Variants in HUNK observed in about 807,000 individuals in gnomAD.
HUNK encodes the protein hormonally up-regulated neu tumor-associated kinase.
A neutral mutation model predicts 61.0 loss-of-function variants in HUNK; 21 were observed. The ratio of observed to expected loss-of-function variants is 0.34; its 90% CI spans 0.24 to 0.50. The LOEUF is 0.50. Among genes scored for constraint, HUNK ranks in the 20% least tolerant of loss-of-function variants. The pLI, the probability that HUNK is intolerant of heterozygous loss-of-function variation, is 0.98. For synonymous variants in HUNK, 371 were observed against 386.1 expected (o/e 0.96, Z 0.46); for missense variants, 772 against 945.7 (o/e 0.82, Z 2.41).
At chr21:31,967,672 G>A (rs1162566985) in intron 5 of HUNK, among the ~76,000 whole-genome samples, 1 of 152,150 alleles carries the variant, frequency 6.6e-6, no homozygotes, top group African/African-American at 2.4e-5. Flanking sequence ...TTAAAGGAAA[G>A]GATCAGAAAG....
At chr21:31,948,390 G>A (rs1289860740) in intron 4 of HUNK, among the ~76,000 whole-genome samples, 1 of 152,170 alleles carries the variant, frequency 6.6e-6, no homozygotes, top group African/African-American at 2.4e-5. Flanking sequence ...TTGGGTGCAG[G>A]TTCCTCTGGG....
At chr21:31,926,079 C>T (rs1005446402) in intron 2 of HUNK, among the ~76,000 whole-genome samples, 19 of 152,086 alleles carry the variant, frequency 1.2e-4, no homozygotes, top group Admixed American at 2.6e-4. Context: ...CCACAACGCC[C>T]GGCTAATTTT....
At chr21:31,903,593 A>G (rs1194062785) in intron 1 of HUNK, among the ~76,000 whole-genome samples, 1 of 152,218 alleles carries the variant, frequency 6.6e-6, no homozygotes, top group East Asian at 1.9e-4. Flanking sequence ...AAGAATTTTG[A>G]AAGTTAGTGT....
chr21:31,907,161 G>A (rs1028110814), intron 1 of HUNK, among the ~76,000 whole-genome samples: 1 of 152,064 alleles, frequency 6.6e-6, no homozygotes, highest in Non-Finnish European at 1.5e-5. Context: ...CAACAAGAGT[G>A]AAACTCCATC....
At position 31,948,377 on chromosome 21, in the gene HUNK, T is replaced by C. The variant is rs574567008; in HGVS notation, c.746+2206T>C. Among the ~76,000 whole-genome samples, 7 of 152,298 alleles carry C rather than the reference T, an allele frequency of 4.6e-5. No individual in the cohort carries two copies. In the East Asian group the frequency reaches 7.7e-4, roughly 17 times the overall value. On this transcript the variant is annotated intron_variant, in intron 4 of 10. Coordinates refer to ENST00000270112, the MANE Select transcript of HUNK (RefSeq NM_014586.2). ...GAACCCTCTCTTTTTCCCTCTTGTG[T>C]TGTTGGGTGCAGGTTCCTCTGGGCA...
intron 1 of HUNK, among the ~76,000 whole-genome samples, chr21:31,887,369 AGTCT>A (rs1324901377): frequency 6.6e-6 from 1 of 152,186 alleles, no homozygotes; most frequent in East Asian, 1.9e-4. Flanking sequence ...GTAGGTTTGG[AGTCT>A]GTCTCTTTGA....
At position 31,968,198 on chromosome 21, in the gene HUNK, T is replaced by G. The variant is rs371044682; in HGVS notation, c.875-52T>G. The G allele has an allele frequency of 1.9e-6, 3 of 1,609,564 alleles. No individual in the cohort carries two copies. In the African/African-American group the frequency reaches 4.0e-5, roughly 22 times the overall value. ...CCCCTGTGATGGTGGCTTTCACTGG[T>G]GTCTGCGTTCAGCCTGTAACATGCG... On this transcript the variant is annotated intron_variant, in intron 5 of 10. Coordinates refer to ENST00000270112, the MANE Select transcript of HUNK (RefSeq NM_014586.2).
At chr21:31,901,293 TG>T (rs1187770609) in intron 1 of HUNK, among the ~76,000 whole-genome samples, 5 of 152,286 alleles carry the variant, frequency 3.3e-5, no homozygotes, top group South Asian at 2.1e-4. Flanking sequence ...GTGACTTGGT[TG>T]GTCACTGAGG....
intron 1 of HUNK, among the ~76,000 whole-genome samples, chr21:31,903,300 A>C (rs924458343): frequency 4.6e-5 from 7 of 152,078 alleles, no homozygotes; most frequent in African/African-American, 1.7e-4. Flanking sequence ...AGTGGAAAAC[A>C]TCCCTTTGAA....
intron 5 of HUNK, 146 bp from the exon 6 acceptor site, chr21:31,968,104 C>T: frequency 1.1e-6 from 1 of 930,224 alleles, no homozygotes; most frequent in Non-Finnish European, 1.6e-6. Context: ...TGAATCGGAA[C>T]CCTGCCCAGA....
chr21:31,873,671 C>A lies in HUNK; in HGVS notation c.-4C>A. The A allele has an allele frequency of 7.0e-6, 7 of 1,000,880 alleles. No homozygotes were observed. The highest frequency in any genetic ancestry group is 8.3e-6 in the Non-Finnish European group (7 of 841,742). 62.0% of individuals were successfully genotyped at this position (1,000,880 alleles called of 1,614,324 possible). On this transcript the variant is annotated 5_prime_UTR_variant, in exon 1 of 11. Coordinates refer to ENST00000270112, the MANE Select transcript of HUNK (RefSeq NM_014586.2). This position sits in a 1 kb window ranked among gnomAD's most constrained non-coding sequence, Gnocchi z 6.1. Reference sequence around the variant, plus strand: ...CAGGAGCCGCGCGGGCCGCGGCGAGCGCGATGCCGGCGGCGGCGGGGGACG... The same window carrying A: ...CAGGAGCCGCGCGGGCCGCGGCGAGAGCGATGCCGGCGGCGGCGGGGGACG...
At chr21:31,981,548 T>C (rs938009638) in intron 7 of HUNK, among the ~76,000 whole-genome samples, 2 of 152,188 alleles carry the variant, frequency 1.3e-5, no homozygotes, top group Non-Finnish European at 2.9e-5. Context: ...CAGTGTCTTA[T>C]AGTTTTCAGT....
intron 8 of HUNK, among the ~76,000 whole-genome samples, chr21:31,988,443 A>T (rs2077656790): frequency 6.6e-6 from 1 of 152,194 alleles, no homozygotes; most frequent in Non-Finnish European, 1.5e-5. Context: ...AGAGGGTGGC[A>T]GGGAACTGGA....
intron 8 of HUNK, among the ~76,000 whole-genome samples, chr21:31,988,249 T>C (rs1014624733): frequency 3.3e-5 from 5 of 152,084 alleles, no homozygotes; most frequent in Admixed American, 3.3e-4. Flanking sequence ...CCCAGGACTT[T>C]GGGGGTCGAG....
chr21:31,953,810 A>G (rs1322339153), intron 4 of HUNK, among the ~76,000 whole-genome samples: 1 of 151,900 alleles, frequency 6.6e-6, no homozygotes, highest in Non-Finnish European at 1.5e-5. Flanking sequence ...TTTTTCATTG[A>G]TGATAAATTC....
chr21:31,876,724 G>A lies in HUNK; in HGVS notation c.261+2789G>A, dbSNP rs529436845. ...TGTCCCCCACTGTGGGTGACCCAGG[G>A]AGGCCTCTCTCCCTCATTAATTCCT... On this transcript the variant is annotated intron_variant, in intron 1 of 10. Coordinates refer to ENST00000270112, the MANE Select transcript of HUNK (RefSeq NM_014586.2). Among the ~76,000 whole-genome samples, 7 of 152,316 alleles carry A rather than the reference G, an allele frequency of 4.6e-5. No individual in the cohort carries two copies. The East Asian group carries it at 1.4e-3, about 29-fold the overall frequency.
intron 1 of HUNK, among the ~76,000 whole-genome samples, chr21:31,916,201 C>G (rs1568924342): frequency 6.6e-6 from 1 of 151,752 alleles, no homozygotes; most frequent in South Asian, 2.1e-4. Context: ...CAGGCACCCA[C>G]CACCATACCC....
At chr21:31,974,098 C>G (rs2053031824) in intron 6 of HUNK, 1 of 152,566 alleles carries the variant, frequency 6.6e-6, no homozygotes, top group Non-Finnish European at 1.5e-5. Flanking sequence ...CCATGACAAC[C>G]AATACATTTT....
intron 1 of HUNK, among the ~76,000 whole-genome samples, chr21:31,898,420 C>G (rs1447415936): frequency 6.6e-6 from 1 of 152,162 alleles, no homozygotes; most frequent in African/African-American, 2.4e-5. Context: ...CATCCGCCAC[C>G]ATGCCTGGCT....
Sources: allele counts gnomAD v4.1 joint callset (sites outside exome capture counted in the v4.1 genomes callset), GRCh38; gene constraint gnomAD v4.1.1; non-coding constraint Gnocchi (gnomAD v3.1); transcripts MANE v1.5; gene names NCBI Gene and HGNC (gene_info 2026-07-23, HGNC 2026-07-21).